PDGFC: variants seen among roughly 807,000 people sequenced by gnomAD.
PDGFC encodes platelet-derived growth factor C.
Under a neutral mutation model 35.5 loss-of-function variants are expected in PDGFC, and 12 were observed. The ratio of observed to expected loss-of-function variants is 0.34; its 90% CI spans 0.22 to 0.55. The LOEUF (loss-of-function observed/expected upper bound fraction) is 0.55. Among genes scored for constraint, PDGFC ranks in the 20% least tolerant of loss-of-function variants. PDGFC has a pLI of 0.91. For missense variants in PDGFC, 322 were observed against 412.4 expected, an observed-to-expected ratio of 0.78 and a Z score of 1.90; for synonymous variants, 159 against 148.8, an observed-to-expected ratio of 1.07 and a Z score of -0.50.
chr4:156,794,625 TA>T (rs1267727605), intron 3 of PDGFC, among the ~76,000 whole-genome samples: 2 of 151,954 alleles, frequency 1.3e-5, no homozygotes. Flanking sequence ...ATTAATAAGA[TA>T]AAAATATCTA....
At chr4:156,853,055 A>G (rs1294506350) in intron 1 of PDGFC, among the ~76,000 whole-genome samples, 1 of 152,156 alleles carries the variant, frequency 6.6e-6, no homozygotes, top group Non-Finnish European at 1.5e-5. Context: ...AACTGACAGA[A>G]CTGAAGTTGA....
chr4:156,803,730 C>T (rs911492249), intron 3 of PDGFC, among the ~76,000 whole-genome samples: 7 of 151,732 alleles, frequency 4.6e-5, no homozygotes, highest in African/African-American at 1.7e-4. Flanking sequence ...AATTAACTGA[C>T]AAAATTAAAA....
chr4:156,778,216 A>G, intron 3 of PDGFC: 1 of 397,046 alleles, frequency 2.5e-6, no homozygotes, highest in Non-Finnish European at 5.3e-6. Flanking sequence ...TGAGAAGCCA[A>G]GTATACTGCA....
At chr4:156,812,656 A>C (rs1415055784) in intron 2 of PDGFC, among the ~76,000 whole-genome samples, 1 of 152,170 alleles carries the variant, frequency 6.6e-6, no homozygotes, top group Non-Finnish European at 1.5e-5. Flanking sequence ...AATTATACTT[A>C]TAAATCTGAA....
chr4:156,850,438 T>C (rs780776930), intron 1 of PDGFC, 22 bp from the exon 2 acceptor site: 8 of 1,405,334 alleles, frequency 5.7e-6, no homozygotes, highest in Non-Finnish European at 7.8e-6. Context: ...AACATAGACA[T>C]AGACATACAT....
At chr4:156,965,858 C>G (rs1579131228) in intron 1 of PDGFC, among the ~76,000 whole-genome samples, 1 of 152,242 alleles carries the variant, frequency 6.6e-6, no homozygotes, top group Non-Finnish European at 1.5e-5. Flanking sequence ...AAATTGTCCA[C>G]AGCTAAAAGT....
chr4:156,825,453 G>A (rs1403847545), intron 2 of PDGFC, among the ~76,000 whole-genome samples: 3 of 150,530 alleles, frequency 2.0e-5, no homozygotes, highest in Non-Finnish European at 4.4e-5. Context: ...GGGAGGCTGA[G>A]GTGGGAGGAT....
chr4:156,827,953 C>T (rs535657608), intron 2 of PDGFC, among the ~76,000 whole-genome samples: 6 of 152,252 alleles, frequency 3.9e-5, no homozygotes, highest in South Asian at 2.1e-4. Flanking sequence ...AAAGCAAATG[C>T]GTGAAACAGT....
intron 1 of PDGFC, among the ~76,000 whole-genome samples, chr4:156,904,412 A>C (rs1055874798): frequency 6.6e-6 from 1 of 152,124 alleles, no homozygotes; most frequent in Non-Finnish European, 1.5e-5. Flanking sequence ...ACCATCTTGA[A>C]CATTAAATAA....
At chr4:156,962,251 A>C (rs1220805801) in intron 1 of PDGFC, among the ~76,000 whole-genome samples, 4 of 151,972 alleles carry the variant, frequency 2.6e-5, no homozygotes, top group Non-Finnish European at 5.9e-5. Context: ...CGCCCATGAT[A>C]TATGCCTCTT....
intron 1 of PDGFC, among the ~76,000 whole-genome samples, chr4:156,853,259 T>TGTTAATCAAAATATATTAA (rs1729496997): frequency 6.6e-6 from 1 of 152,220 alleles, no homozygotes; most frequent in African/African-American, 2.4e-5. Context: ...TTAACATTAT[T>TGTTAATCAAAATATATTAA]TCACATTAAT....
rs3042776 is a variant in PDGFC at position 156,802,555 on chromosome 4, T to TACACACAC, written c.495+8274_495+8281dup. ...GGTAGAGTAGAAACATACACACACA[T>TACACACAC]ACACACACACACACACACACACACA... On this transcript the variant is annotated intron_variant, in intron 3 of 5. Coordinates refer to ENST00000502773, the MANE Select transcript of PDGFC (RefSeq NM_016205.3). Among the ~76,000 whole-genome samples the TACACACAC allele has an allele frequency of 3.3e-3, 485 of 145,672 alleles. 2 individuals are homozygous for TACACACAC. The highest frequency in any genetic ancestry group is 0.012 in the African/African-American group (464 of 40,252).
intron 3 of PDGFC, among the ~76,000 whole-genome samples, chr4:156,806,440 T>C (rs927150643): frequency 6.6e-6 from 1 of 152,040 alleles, no homozygotes; most frequent in Non-Finnish European, 1.5e-5. Flanking sequence ...CTGAAAAATA[T>C]AATATTCATT....
At chr4:156,780,157 A>G (rs1227689148) in intron 3 of PDGFC, among the ~76,000 whole-genome samples, 1 of 148,450 alleles carries the variant, frequency 6.7e-6, no homozygotes, top group African/African-American at 2.5e-5. Context: ...ATTCCTCTGA[A>G]TAAACAATGT....
At chr4:156,955,731 C>G (rs1047279287) in intron 1 of PDGFC, among the ~76,000 whole-genome samples, 1 of 151,924 alleles carries the variant, frequency 6.6e-6, no homozygotes, top group African/African-American at 2.4e-5. Flanking sequence ...TACCCATCAG[C>G]CAAGGTCCTT....
intron 2 of PDGFC, among the ~76,000 whole-genome samples, chr4:156,832,582 T>TA (rs1194060142): frequency 6.6e-6 from 1 of 152,170 alleles, no homozygotes; most frequent in Non-Finnish European, 1.5e-5. Context: ...ACACAAGTGG[T>TA]ATATAAGCCA....
chr4:156,853,402 CG>C (rs1729499858), intron 1 of PDGFC, among the ~76,000 whole-genome samples: 1 of 152,082 alleles, frequency 6.6e-6, no homozygotes, highest in Non-Finnish European at 1.5e-5. Flanking sequence ...ATAATTGTAA[CG>C]TTTTTATTTA....
At chr4:156,766,494 C>A (rs1217842248) in intron 5 of PDGFC, among the ~76,000 whole-genome samples, 2 of 152,036 alleles carry the variant, frequency 1.3e-5, no homozygotes, top group South Asian at 4.1e-4. Context: ...GCATCAGGTG[C>A]CATACATGTA....
intron 5 of PDGFC, 128 bp from the exon 6 acceptor site, chr4:156,763,334 G>C: frequency 7.9e-6 from 3 of 377,912 alleles, no homozygotes; most frequent in Non-Finnish European, 4.8e-6. Context: ...ATTTTTCCTA[G>C]AGCACGCATT....
Sources: allele counts gnomAD v4.1 joint callset (sites outside exome capture counted in the v4.1 genomes callset), GRCh38; gene constraint gnomAD v4.1.1; transcripts MANE v1.5; gene names NCBI Gene and HGNC (gene_info 2026-07-23, HGNC 2026-07-21).